CCDC30: variants seen among roughly 807,000 people sequenced by gnomAD.
CCDC30 encodes coiled-coil domain containing 30.
CCDC30 carries 70 observed loss-of-function variants against 100.2 expected under a neutral mutation model. That is an observed-to-expected ratio of 0.70 (90% CI 0.58 to 0.85). CCDC30 has a LOEUF of 0.85. CCDC30 is among the 40% of genes least tolerant of loss of function. The pLI is 0.00. For synonymous variants in CCDC30, 233 were observed against 269.5 expected (o/e 0.86, Z 1.33); for missense variants, 652 against 771.2 (o/e 0.85, Z 1.83).
At chr1:42,478,579 C>T (rs986383741) in intron 1 of CCDC30, among the ~76,000 whole-genome samples, 41 of 152,014 alleles carry the variant, frequency 2.7e-4, no homozygotes, top group African/African-American at 9.2e-4. Flanking sequence ...GACAAAGGGG[C>T]GAAACCCCAT....
intron 11 of CCDC30, among the ~76,000 whole-genome samples, chr1:42,629,075 C>G (rs1646985214): frequency 6.6e-6 from 1 of 152,134 alleles, no homozygotes; most frequent in African/African-American, 2.4e-5. Context: ...ACTACAGTTA[C>G]AGTGTTATAT....
At chr1:42,640,985 G>C (rs1647339385) in intron 12 of CCDC30, among the ~76,000 whole-genome samples, 1 of 152,176 alleles carries the variant, frequency 6.6e-6, no homozygotes, top group South Asian at 2.1e-4. Context: ...GTTGGGCACA[G>C]TGTCTCATGC....
intron 7 of CCDC30, among the ~76,000 whole-genome samples, chr1:42,573,020 A>G (rs1037363537): frequency 3.9e-5 from 6 of 152,222 alleles, no homozygotes; most frequent in Admixed American, 2.6e-4. Flanking sequence ...TTATATAAAT[A>G]TTAACATTTG....
At chr1:42,599,948 G>A (rs1646369596) in intron 10 of CCDC30, among the ~76,000 whole-genome samples, 1 of 152,130 alleles carries the variant, frequency 6.6e-6, no homozygotes, top group African/African-American at 2.4e-5. Context: ...GGGAAGCAAG[G>A]CACATCTTAC....
chr1:42,545,325 A>G (rs1645106752), intron 6 of CCDC30, 85 bp from the exon 9 acceptor site: 1 of 1,064,774 alleles, frequency 9.4e-7, no homozygotes, highest in Non-Finnish European at 1.3e-6. Flanking sequence ...ATAGTTAAGC[A>G]TTTAATGAAA....
intron 6 of CCDC30, among the ~76,000 whole-genome samples, chr1:42,503,903 T>C (rs1423044626): frequency 1.3e-5 from 2 of 152,032 alleles, no homozygotes; most frequent in Non-Finnish European, 2.9e-5. Context: ...CCAGTGGCGC[T>C]AGAGGAATTA....
chr1:42,521,485 T>C (rs191465312), intron 6 of CCDC30, among the ~76,000 whole-genome samples: 43 of 152,340 alleles, frequency 2.8e-4, no homozygotes, highest in African/African-American at 9.9e-4. Flanking sequence ...ATATGATCTA[T>C]CTTGTAGATT....
chr1:42,625,480 T>G (rs189142211), intron 11 of CCDC30, among the ~76,000 whole-genome samples: 97 of 151,416 alleles, frequency 6.4e-4, no homozygotes, highest in African/African-American at 1.7e-3. Flanking sequence ...TATTTGCAGG[T>G]TTTTTTTTAT....
intron 10 of CCDC30, among the ~76,000 whole-genome samples, chr1:42,606,037 A>C (rs1200368010): frequency 6.6e-6 from 1 of 152,222 alleles, no homozygotes; most frequent in Non-Finnish European, 1.5e-5. Flanking sequence ...GTGAAAGCGT[A>C]TATGTAGATA....
intron 10 of CCDC30, among the ~76,000 whole-genome samples, chr1:42,609,117 T>TCCA (rs1175354836): frequency 6.6e-6 from 1 of 152,122 alleles, no homozygotes; most frequent in Non-Finnish European, 1.5e-5. Flanking sequence ...TGCCTTCCCT[T>TCCA]CCACCTTCTC....
chr1:42,627,873 C>T (rs1342794340), intron 11 of CCDC30, among the ~76,000 whole-genome samples: 1 of 152,194 alleles, frequency 6.6e-6, no homozygotes, highest in African/African-American at 2.4e-5. Flanking sequence ...TCTGCTAGGG[C>T]AGTGTGGAAG....
At chr1:42,495,249 T>C (rs1370197371) in intron 4 of CCDC30, among the ~76,000 whole-genome samples, 1 of 151,196 alleles carries the variant, frequency 6.6e-6, no homozygotes, top group Non-Finnish European at 1.5e-5. Context: ...AGTAAACTAT[T>C]GCAAGAACAA....
At chr1:42,589,567 T>C (rs1469007509) in intron 10 of CCDC30, 84 bp downstream of exon 14, 12 of 1,224,452 alleles carry the variant, frequency 9.8e-6, no homozygotes, top group African/African-American at 1.5e-5. Flanking sequence ...AGCACTTTAC[T>C]AAACCTAATC....
At chr1:42,548,435 G>A (rs1190222380) in intron 6 of CCDC30, among the ~76,000 whole-genome samples, 1 of 152,166 alleles carries the variant, frequency 6.6e-6, no homozygotes. Context: ...ATTTTATTTA[G>A]ACAGTGATTG....
At position 42,518,199 on chromosome 1, in the gene CCDC30, T is replaced by A. The variant is rs112393135; in HGVS notation, c.456+19283T>A. Among the ~76,000 whole-genome samples the A allele has an allele frequency of 6.1e-3, 923 of 152,304 alleles. 6 individuals are homozygous for A. The highest frequency in any genetic ancestry group is 0.021 in the African/African-American group (861 of 41,566). On this transcript the variant is annotated intron_variant, in intron 6 of 16. Transcript: ENST00000668663. ...TTTCACCTCTCTTCATTAAGCTAATTCCTAAGTATTTCATTCTTTTTCATG... is the reference window on the plus strand; with the variant it reads ...TTTCACCTCTCTTCATTAAGCTAATACCTAAGTATTTCATTCTTTTTCATG...
chr1:42,526,235 T>G (rs1446498893), intron 6 of CCDC30, among the ~76,000 whole-genome samples: 1 of 152,174 alleles, frequency 6.6e-6, no homozygotes, highest in Non-Finnish European at 1.5e-5. Flanking sequence ...AGTCCCCCAA[T>G]GTCTCTTGTC....
intron 6 of CCDC30, among the ~76,000 whole-genome samples, chr1:42,559,700 C>CT (rs1484215948): frequency 6.6e-6 from 1 of 152,088 alleles, no homozygotes; most frequent in African/African-American, 2.4e-5. Flanking sequence ...TAGTGGGAGA[C>CT]TTTAACACCC....
Position 42,479,437 on chromosome 1 carries a change from G to A in CCDC30, c.-91-1024G>A, listed in dbSNP as rs150166889. Reference sequence around the variant, plus strand: ...CTATAGATCAATGGAACTCTCAATAGAGAGTCCAGAAATAAGCCCACAAGT... The same window carrying A: ...CTATAGATCAATGGAACTCTCAATAAAGAGTCCAGAAATAAGCCCACAAGT... On this transcript the variant is annotated intron_variant, in intron 1 of 16. Coordinates refer to ENST00000668663, the Ensembl canonical transcript of CCDC30. Among the ~76,000 whole-genome samples, 345 of 152,094 alleles carry A rather than the reference G, an allele frequency of 2.3e-3. 2 individuals are homozygous for A. Among genetic ancestry groups the A allele is most frequent in the African/African-American group, 8.0e-3 (332 of 41,492 alleles).
chr1:42,627,550 C>T (rs1646956245), intron 11 of CCDC30, among the ~76,000 whole-genome samples: 1 of 152,184 alleles, frequency 6.6e-6, no homozygotes, highest in Non-Finnish European at 1.5e-5. Context: ...CAGACCCTTC[C>T]ATCACAGGCA....
Sources: gnomAD v4.1 joint callset for allele counts (sites outside exome capture counted in the v4.1 genomes callset) on GRCh38, gnomAD v4.1.1 for gene constraint, MANE v1.5 for transcripts, NCBI Gene and HGNC (gene_info 2026-07-23, HGNC 2026-07-21) for gene names.